FAM163B: variants seen among roughly 807,000 people sequenced by gnomAD.
FAM163B encodes protein FAM163B.
Under a neutral mutation model 7.6 loss-of-function variants are expected in FAM163B, and 4 were observed. That is an observed-to-expected ratio of 0.52 (90% CI 0.26 to 1.20). FAM163B has a LOEUF of 1.20. Among genes scored for constraint, FAM163B ranks in the 50% most tolerant of loss-of-function variants. The probability of loss-of-function intolerance (pLI) is 0.14; values close to 1 mark genes in which losing one functional copy is unlikely to be tolerated. For synonymous variants in FAM163B, 120 were observed against 111.6 expected (o/e 1.07, Z -0.47); for missense variants, 250 against 243.0 (o/e 1.03, Z -0.19).
At position 133,601,956 on chromosome 9, in the gene FAM163B, G is replaced by C. The variant is rs1831734978; in HGVS notation, c.-24+7121C>G. ...CCAGCACACAGGAGTGCTGCAGGGA[G>C]GACCAGCAGGGAAGCTGGGGGCTGG... is the stretch of plus-strand genomic sequence containing the variant. On this transcript the variant is annotated intron_variant, in intron 1 of 2. Transcript: ENST00000673969. The surrounding 1 kb of genome is among the most constrained non-coding windows in gnomAD (Gnocchi z 4.1). 6.6e-6 allele frequency among the ~76,000 whole-genome samples: 1 copy of C among 152,208 alleles called. No homozygotes were observed. The highest frequency in any genetic ancestry group is 1.5e-5 in the Non-Finnish European group (1 of 68,028).
chr9:133,582,966 A>T (rs1177320255), intron 1 of FAM163B, among the ~76,000 whole-genome samples: 1 of 152,036 alleles, frequency 6.6e-6, no homozygotes, highest in Non-Finnish European at 1.5e-5. Flanking sequence ...TCAGGTGCCG[A>T]TCCCTCCCCG....
Position 133,578,446 on chromosome 9 carries a change from A to G in FAM163B, c.*576T>C, listed in dbSNP as rs11515894. On this transcript the variant is annotated 3_prime_UTR_variant, in exon 3 of 3. Coordinates refer to ENST00000673969, the MANE Select transcript of FAM163B (RefSeq NM_001080515.3). ...AGCACGTGTCTCAGCCTAGGCAGAC[A>G]CTTGGCCCTTGAACCCGGAAGAGTG... 112,530 of 152,338 alleles carry G rather than the reference A, an allele frequency of 0.74. 41,782 individuals carry two copies. Among genetic ancestry groups the G allele is most frequent in the Middle Eastern group, 0.87 (255 of 294 alleles). 9.4% of individuals were successfully genotyped at this position (152,338 alleles called of 1,614,324 possible). A position where few individuals can be genotyped will look rare whatever the true frequency, so the allele number is the denominator to read the frequency against.
intron 1 of FAM163B, among the ~76,000 whole-genome samples, chr9:133,591,091 C>T (rs973113811): frequency 3.3e-5 from 5 of 152,214 alleles, no homozygotes; most frequent in Admixed American, 2.0e-4. Context: ...AAGGCCCAAG[C>T]CCGGACCACC....
Position 133,601,566 on chromosome 9 carries a change from A to G in FAM163B, c.-24+7511T>C, listed in dbSNP as rs1831730201. 6.6e-6 allele frequency among the ~76,000 whole-genome samples: 1 copy of G among 152,196 alleles called. No individual in the cohort carries two copies. The highest frequency in any genetic ancestry group is 1.5e-5 in the Non-Finnish European group (1 of 68,034). On this transcript the variant is annotated intron_variant, in intron 1 of 2. Transcript: ENST00000673969. This position sits in a 1 kb window ranked among gnomAD's most constrained non-coding sequence, Gnocchi z 4.1. Reference sequence around the variant, plus strand: ...CCATAACTGGAGAATTTCGGGTGCCACATGGGTCAGACGCAGCTACCCCCC... The same window carrying G: ...CCATAACTGGAGAATTTCGGGTGCCGCATGGGTCAGACGCAGCTACCCCCC...
rs754873379 is a variant in FAM163B at position 133,579,007 on chromosome 9, G to A, written c.*15C>T. The A allele has an allele frequency of 8.1e-6, 12 of 1,487,586 alleles. No individual in the cohort carries two copies. Among genetic ancestry groups the A allele is most frequent in the East Asian group, 7.3e-5 (3 of 40,876 alleles). 92.1% of individuals were successfully genotyped at this position (1,487,586 alleles called of 1,614,324 possible). A position where few individuals can be genotyped will look rare whatever the true frequency, so the allele number is the denominator to read the frequency against. ...TCAGGACCTTCAAGGCCAGGATCCC[G>A]GGGGCGGGCCCAGGTCACACGTCGG... is the stretch of plus-strand genomic sequence containing the variant. On this transcript the variant is annotated 3_prime_UTR_variant, in exon 3 of 3. Coordinates refer to ENST00000673969, the MANE Select transcript of FAM163B (RefSeq NM_001080515.3).
At chr9:133,588,682 GAGA>G (rs1246936491) in intron 1 of FAM163B, among the ~76,000 whole-genome samples, 5 of 10,946 alleles carry the variant, frequency 4.6e-4, no homozygotes, top group East Asian at 2.1e-3. Flanking sequence ...CTAGCATACT[GAGA>G]GATCTAGCAT....
chr9:133,578,596 A>T lies in FAM163B; in HGVS notation c.*426T>A. 1.2e-5 allele frequency: 2 copies of T among 173,912 alleles called. No homozygotes were observed. Among genetic ancestry groups the T allele is most frequent in the African/African-American group, 2.4e-5 (1 of 42,368 alleles). 10.8% of individuals were successfully genotyped at this position (173,912 alleles called of 1,614,324 possible). ...CAATTGCCAGGGAGGGCCTTGCTGC[A>T]GGGCCCTGGGCCTCACTGAGGTCAT... On this transcript the variant is annotated 3_prime_UTR_variant, in exon 3 of 3. Transcript: ENST00000673969.
chr9:133,606,057 C>T lies in FAM163B; in HGVS notation c.-24+3020G>A, dbSNP rs116589875. Among the ~76,000 whole-genome samples, 2 of 152,194 alleles carry T rather than the reference C, an allele frequency of 1.3e-5. No individual in the cohort carries two copies. The highest frequency in any genetic ancestry group is 2.4e-5 in the African/African-American group (1 of 41,446). On this transcript the variant is annotated intron_variant, in intron 1 of 2. Coordinates refer to ENST00000673969, the MANE Select transcript of FAM163B (RefSeq NM_001080515.3). The surrounding 1 kb of genome is among the most constrained non-coding windows in gnomAD (Gnocchi z 4.0). ...AAGCCCAACCACTGAGCAGGGCTTA[C>T]AAGCCTGGCGGAACCGGACCCCACC...
intron 1 of FAM163B, among the ~76,000 whole-genome samples, chr9:133,605,491 C>G (rs1831778848): frequency 6.6e-6 from 1 of 151,878 alleles, no homozygotes; most frequent in South Asian, 2.1e-4. Context: ...GCTGGTGCAG[C>G]CTTCTTCCAC....
chr9:133,593,805 C>T (rs552458460), intron 1 of FAM163B, among the ~76,000 whole-genome samples: 3 of 152,356 alleles, frequency 2.0e-5, no homozygotes, highest in Admixed American at 6.5e-5. Flanking sequence ...ACCCCGGCCC[C>T]GAACCTCAGA....
chr9:133,587,935 G>C (rs1483323349), intron 1 of FAM163B, among the ~76,000 whole-genome samples: 1 of 144,444 alleles, frequency 6.9e-6, no homozygotes, highest in Non-Finnish European at 1.5e-5. Flanking sequence ...ACAGAGAAAA[G>C]AGAAAAAGGT....
intron 1 of FAM163B, among the ~76,000 whole-genome samples, chr9:133,584,932 G>A (rs901884356): frequency 1.9e-4 from 29 of 152,338 alleles, no homozygotes; most frequent in African/African-American, 6.7e-4. Context: ...CGAGAATAGC[G>A]CTGAATTGTT....
At chr9:133,603,451 C>A (rs905866831) in intron 1 of FAM163B, among the ~76,000 whole-genome samples, 1 of 152,144 alleles carries the variant, frequency 6.6e-6, no homozygotes, top group Non-Finnish European at 1.5e-5. Context: ...GCCTACAGCA[C>A]GTGGGAAAAG....
At chr9:133,604,746 C>T (rs945124069) in intron 1 of FAM163B, among the ~76,000 whole-genome samples, 7 of 150,652 alleles carry the variant, frequency 4.6e-5, no homozygotes, top group African/African-American at 1.5e-4. Flanking sequence ...GCATTTCTCA[C>T]GGGTTCCTAG....
At chr9:133,590,050 CCCTTCCCTT>C (rs1403254717) in intron 1 of FAM163B, among the ~76,000 whole-genome samples, 974 of 50,372 alleles carry the variant, frequency 0.019, 56 homozygotes, top group East Asian at 0.054. Flanking sequence ...CCCTTCCCTT[CCCTTCCCTT>C]CCCTTCCCCT....
chr9:133,584,408 T>C (rs897208571), intron 1 of FAM163B, among the ~76,000 whole-genome samples: 8 of 152,240 alleles, frequency 5.3e-5, no homozygotes, highest in Non-Finnish European at 8.8e-5. Context: ...GTTTAGACGC[T>C]GATTCCTCCC....
intron 1 of FAM163B, among the ~76,000 whole-genome samples, chr9:133,588,678 TAC>T (rs1831487553): frequency 1.3e-3 from 9 of 7,038 alleles, no homozygotes; most frequent in East Asian, 0.011. Flanking sequence ...GGATCTAGCA[TAC>T]TGAGAGATCT....
chr9:133,579,241 G>A lies in FAM163B; in HGVS notation c.282C>T (p.Cys94=), dbSNP rs376752343. ...AGAAGGTGGGGGGCTCGCAGTGGGA[G>A]CAGCTGCGGCAGAGGGCGCGGGCCT... ...SPQARALCRS[C]SHCEPPTFFL... The change falls in exon 3 of 3, where the codon TGC becomes TGT. Residue 94 remains cysteine (C), a synonymous_variant. Coordinates refer to ENST00000673969, the MANE Select transcript of FAM163B (RefSeq NM_001080515.3). 2,390 of 1,612,020 alleles carry A rather than the reference G, an allele frequency of 1.5e-3. 33 individuals are homozygous for A. The African/African-American group carries it at 0.028, about 19-fold the overall frequency.
chr9:133,598,780 T>C (rs1272612427), intron 1 of FAM163B, among the ~76,000 whole-genome samples: 1 of 152,284 alleles, frequency 6.6e-6, no homozygotes, highest in East Asian at 1.9e-4. Flanking sequence ...TCATCTTATT[T>C]CACAGGTGGA....
Sources: allele counts gnomAD v4.1 joint callset (sites outside exome capture counted in the v4.1 genomes callset), GRCh38; gene constraint gnomAD v4.1.1; non-coding constraint Gnocchi (gnomAD v3.1); transcripts MANE v1.5; gene names NCBI Gene and HGNC (gene_info 2026-07-23, HGNC 2026-07-21).